TRIM2: variants seen among roughly 807,000 people sequenced by gnomAD.
TRIM2 encodes tripartite motif-containing protein 2.
A neutral mutation model predicts 75.2 loss-of-function variants in TRIM2; 20 were observed. The ratio of observed to expected loss-of-function variants is 0.27; its 90% CI spans 0.19 to 0.39. TRIM2 has a LOEUF of 0.39. TRIM2 is among the 10% of genes least tolerant of loss of function. The probability of loss-of-function intolerance (pLI) is 1.00; values close to 1 mark genes in which losing one functional copy is unlikely to be tolerated. For missense variants in TRIM2, 660 were observed against 990.8 expected, an observed-to-expected ratio of 0.67 and a Z score of 4.48; for synonymous variants, 373 against 388.3, an observed-to-expected ratio of 0.96 and a Z score of 0.46.
chr4:153,169,529 G>A (rs1451869817), intron 1 of TRIM2, among the ~76,000 whole-genome samples: 3 of 152,008 alleles, frequency 2.0e-5, no homozygotes, highest in Non-Finnish European at 2.9e-5. Context: ...ATTTGAGGTA[G>A]CATTTTTTTG....
chr4:153,244,334 TTCTTCTTCTTCTTCTTCTTCC>T (rs1560873991), intron 1 of TRIM2, among the ~76,000 whole-genome samples: 329 of 27,896 alleles, frequency 0.012, 28 homozygotes, highest in African/African-American at 0.018. Flanking sequence ...CTTCTTCTTC[TTCTTCTTCTTCTTCTTCTTCC>T]TCTTCTTCTT....
At chr4:153,219,949 C>T (rs994787667) in intron 1 of TRIM2, among the ~76,000 whole-genome samples, 3 of 152,162 alleles carry the variant, frequency 2.0e-5, no homozygotes, top group African/African-American at 7.2e-5. Flanking sequence ...ATTTAATACA[C>T]ATTTATTGTA....
intron 1 of TRIM2, among the ~76,000 whole-genome samples, chr4:153,173,634 G>A (rs1731104604): frequency 6.7e-6 from 1 of 149,958 alleles, no homozygotes; most frequent in Admixed American, 6.7e-5. Flanking sequence ...TTGCACTCCA[G>A]CCTGGACGAC....
chr4:153,295,794 A>G lies in TRIM2; in HGVS notation c.1268A>G (p.Gln423Arg). The change falls in exon 6 of 12, where the codon CAG becomes CGG. Residue 423 changes from glutamine (Q) to arginine (R), a missense_variant. Around this residue, in one of 2 missense-constraint regions of TRIM2, gnomAD observed 620 missense variants for 891.0 expected, o/e 0.70. Coordinates refer to ENST00000338700, the MANE Select transcript of TRIM2 (RefSeq NM_015271.5). The surrounding 1 kb of genome is among the most constrained non-coding windows in gnomAD (Gnocchi z 7.2). ...NGTYEFLYTV[Q>R]KEGDFTLSLR... ...ACCTATGAGTTTTTGTACACTGTCCAGAAGGAAGGGGACTTTACCCTGTCT... is the reference window on the plus strand; with the variant it reads ...ACCTATGAGTTTTTGTACACTGTCCGGAAGGAAGGGGACTTTACCCTGTCT... 4 of 1,614,116 alleles carry G rather than the reference A, an allele frequency of 2.5e-6. No individual in the cohort carries two copies. The highest frequency in any genetic ancestry group is 3.4e-6 in the Non-Finnish European group (4 of 1,180,006).
intron 1 of TRIM2, among the ~76,000 whole-genome samples, chr4:153,263,227 G>T (rs189152986): frequency 6.4e-4 from 98 of 152,272 alleles, no homozygotes; most frequent in African/African-American, 2.1e-3. Flanking sequence ...TACTTGGGAG[G>T]CTAAGGTGGG....
chr4:153,229,146 T>C (rs1044020754), intron 1 of TRIM2, among the ~76,000 whole-genome samples: 3 of 152,338 alleles, frequency 2.0e-5, no homozygotes, highest in South Asian at 2.1e-4. Context: ...TTAACACAAT[T>C]TCATTAAAGG....
At chr4:153,230,945 T>C (rs1743449049) in intron 1 of TRIM2, among the ~76,000 whole-genome samples, 1 of 152,164 alleles carries the variant, frequency 6.6e-6, no homozygotes, top group Non-Finnish European at 1.5e-5. Flanking sequence ...CAGAAATAAT[T>C]CCATCTTATC....
intron 1 of TRIM2, among the ~76,000 whole-genome samples, chr4:153,239,380 T>C (rs892782923): frequency 6.6e-6 from 1 of 151,892 alleles, no homozygotes; most frequent in African/African-American, 2.4e-5. Context: ...ACTCTGGCTT[T>C]GATAGAATTG....
At chr4:153,172,840 AG>A (rs1307030302) in intron 1 of TRIM2, among the ~76,000 whole-genome samples, 1 of 152,146 alleles carries the variant, frequency 6.6e-6, no homozygotes, top group Non-Finnish European at 1.5e-5. Context: ...TCCAGGCAGA[AG>A]GAACAAGAGC....
chr4:153,156,394 T>C (rs1729233212), intron 1 of TRIM2, among the ~76,000 whole-genome samples: 1 of 152,170 alleles, frequency 6.6e-6, no homozygotes, highest in African/African-American at 2.4e-5. Flanking sequence ...ACCCTGGCTG[T>C]AAATTAAGGA....
At chr4:153,236,093 C>G (rs1336112650) in intron 1 of TRIM2, among the ~76,000 whole-genome samples, 1 of 152,066 alleles carries the variant, frequency 6.6e-6, no homozygotes, top group Admixed American at 6.6e-5. Flanking sequence ...ATTTCTCCTG[C>G]TTGCACTCAT....
chr4:153,338,514 G>T lies in TRIM2; in HGVS notation c.*3548G>T, dbSNP rs1375686850. On this transcript the variant is annotated 3_prime_UTR_variant, in exon 12 of 12. Coordinates refer to ENST00000338700, the MANE Select transcript of TRIM2 (RefSeq NM_015271.5). ...AATACTGTTGGTTTCTGTAAATGTT[G>T]CAGGGTTTTAAACTTTATAATTACT... The T allele has an allele frequency of 7.1e-6, 7 of 984,358 alleles. No homozygotes were observed. Among genetic ancestry groups the T allele is most frequent in the East Asian group, 1.1e-4 (1 of 8,822 alleles). 61.0% of individuals were successfully genotyped at this position (984,358 alleles called of 1,614,324 possible).
chr4:153,266,499 C>T (rs1014183871), intron 1 of TRIM2, among the ~76,000 whole-genome samples: 3 of 151,992 alleles, frequency 2.0e-5, no homozygotes, highest in African/African-American at 4.8e-5. Context: ...CGCACCACCA[C>T]GCCCAGCTAA....
Position 153,337,552 on chromosome 4 carries a change from C to A in TRIM2, c.*2586C>A. ...ATTATATATGTTAAAGTATAGATAA[C>A]ATTTCACACTTGGATACATATGTGC... On this transcript the variant is annotated 3_prime_UTR_variant, in exon 12 of 12. Transcript: ENST00000338700. 1 of 985,772 alleles carries A rather than the reference C, an allele frequency of 1.0e-6. No homozygotes were observed. The highest frequency in any genetic ancestry group is 1.2e-6 in the Non-Finnish European group (1 of 829,910). 61.1% of individuals were successfully genotyped at this position (985,772 alleles called of 1,614,324 possible). A position where few individuals can be genotyped will look rare whatever the true frequency, so the allele number is the denominator to read the frequency against.
chr4:153,236,152 G>C (rs1744974643), intron 1 of TRIM2, among the ~76,000 whole-genome samples: 3 of 152,018 alleles, frequency 2.0e-5, no homozygotes. Context: ...ATGATTGTAA[G>C]TTTACTGAGG....
intron 6 of TRIM2, chr4:153,308,400 C>G: frequency 2.3e-6 from 2 of 880,880 alleles, no homozygotes; most frequent in Non-Finnish European, 3.9e-6. Context: ...CTTGTTGGTT[C>G]CCAGCCCCTT....
chr4:153,204,596 C>A (rs1194033260), intron 1 of TRIM2, 36 bp downstream of exon 1: 1 of 1,551,574 alleles, frequency 6.4e-7, no homozygotes, highest in Non-Finnish European at 8.7e-7. Flanking sequence ...AATTCTTTTT[C>A]TGGGCCAGCT....
intron 6 of TRIM2, among the ~76,000 whole-genome samples, chr4:153,313,416 A>G (rs1315205762): frequency 2.6e-5 from 4 of 152,114 alleles, no homozygotes; most frequent in Non-Finnish European, 4.4e-5. Flanking sequence ...CAGCTCATCT[A>G]TGATGATTCT....
At chr4:153,276,653 C>A (rs1758092089) in intron 3 of TRIM2, among the ~76,000 whole-genome samples, 1 of 152,166 alleles carries the variant, frequency 6.6e-6, no homozygotes, top group Admixed American at 6.5e-5. Flanking sequence ...CTGTTAGAAG[C>A]TCAGGAGGAC....
Sources: allele counts gnomAD v4.1 joint callset (sites outside exome capture counted in the v4.1 genomes callset), GRCh38; gene constraint gnomAD v4.1.1; regional missense constraint gnomAD v4.1.1; non-coding constraint Gnocchi (gnomAD v3.1); transcripts MANE v1.5; gene names NCBI Gene and HGNC (gene_info 2026-07-23, HGNC 2026-07-21).